Variants in MINPP1 observed in about 807,000 individuals in gnomAD.
MINPP1 encodes the protein multiple inositol polyphosphate phosphatase 1.
In MINPP1, 28 loss-of-function variants were observed where a neutral mutation model predicts 46.1. The observed-to-expected ratio is 0.61, with a 90% CI of 0.45 to 0.83. MINPP1 has a LOEUF of 0.83. Ranked by LOEUF, MINPP1 falls within the 40% of genes least tolerant of loss-of-function variation. The pLI, the probability that MINPP1 is intolerant of heterozygous loss-of-function variation, is 0.00. For missense variants in MINPP1, 603 were observed against 610.0 expected, an observed-to-expected ratio of 0.99 and a Z score of 0.12; for synonymous variants, 268 against 249.1, an observed-to-expected ratio of 1.08 and a Z score of -0.72.
At chr10:87,524,843 A>AC (rs1851551905) in intron 4 of MINPP1, among the ~76,000 whole-genome samples, 1 of 152,150 alleles carries the variant, frequency 6.6e-6, no homozygotes, top group East Asian at 1.9e-4. Flanking sequence ...GGTTCATGGC[A>AC]CCCCAAAACA....
At position 87,552,259 on chromosome 10, in the gene MINPP1, G is replaced by A; in HGVS notation, c.1245G>A (p.Leu415=). 1 of 1,613,832 alleles carries A rather than the reference G, an allele frequency of 6.2e-7. No individual in the cohort carries two copies. The highest frequency in any genetic ancestry group is 8.5e-7 in the Non-Finnish European group (1 of 1,179,834). ...SGLIVPYASN[L]IFVLYHCENA... ...TCATTGTACCTTATGCCTCGAACCTGATATTTGTGCTTTACCACTGTGAAA... is the reference window on the plus strand; with the variant it reads ...TCATTGTACCTTATGCCTCGAACCTAATATTTGTGCTTTACCACTGTGAAA... Residue 415 remains leucine (L), a synonymous_variant, in exon 5 of 5, where the codon CTG becomes CTA. Transcript: ENST00000371996.
At chr10:87,528,522 A>G (rs1851610936) in intron 4 of MINPP1, among the ~76,000 whole-genome samples, 1 of 152,318 alleles carries the variant, frequency 6.6e-6, no homozygotes, top group Admixed American at 6.5e-5. Context: ...AGCGGTTTTG[A>G]GTGAGTTTCT....
At chr10:87,532,575 G>A (rs1334695650) in intron 4 of MINPP1, among the ~76,000 whole-genome samples, 1 of 152,178 alleles carries the variant, frequency 6.6e-6, no homozygotes, top group African/African-American at 2.4e-5. Flanking sequence ...TCCTGGGACT[G>A]GGTATCTCTG....
At chr10:87,539,066 TG>T (rs1229092521) in intron 4 of MINPP1, among the ~76,000 whole-genome samples, 1 of 152,214 alleles carries the variant, frequency 6.6e-6, no homozygotes, top group Admixed American at 6.5e-5. Flanking sequence ...CACCAATTTC[TG>T]TAAGTAAAAG....
intron 3 of MINPP1, among the ~76,000 whole-genome samples, chr10:87,515,159 G>T (rs1465019098): frequency 1.3e-5 from 2 of 151,946 alleles, no homozygotes; most frequent in Non-Finnish European, 2.9e-5. Context: ...GGCCAAGGCG[G>T]GTGGATCACC....
intron 4 of MINPP1, among the ~76,000 whole-genome samples, chr10:87,536,237 T>G (rs971163268): frequency 1.3e-5 from 2 of 152,154 alleles, no homozygotes; most frequent in African/African-American, 4.8e-5. Context: ...AGAGAACACT[T>G]ATAATAGCAC....
intron 4 of MINPP1, among the ~76,000 whole-genome samples, chr10:87,543,339 G>A (rs575113832): frequency 6.6e-6 from 1 of 152,306 alleles, no homozygotes; most frequent in East Asian, 1.9e-4. Flanking sequence ...CTAGCAGGCT[G>A]TGGAGCAACC....
At position 87,552,386 on chromosome 10, in the gene MINPP1, C is replaced by G. The variant is rs1193033322; in HGVS notation, c.1372C>G (p.Leu458Val). The stretch of plus-strand genomic sequence containing the variant: ...AGAAACTGTTTCATTTTATGAAGAT[C>G]TGAAGAACCACTACAAGGACATCCT... ...SQETVSFYED[L>V]KNHYKDILQS... The change falls in exon 5 of 5, where the codon CTG becomes GTG. Residue 458 changes from leucine (L) to valine (V), a missense_variant. By Grantham distance (32) the Leu-to-Val change is conservative. Coordinates refer to ENST00000371996, the MANE Select transcript of MINPP1 (RefSeq NM_004897.5). 3 of 1,613,386 alleles carry G rather than the reference C, an allele frequency of 1.9e-6. No individual in the cohort carries two copies. The highest frequency in any genetic ancestry group is 2.2e-5 in the East Asian group (1 of 44,876).
At position 87,552,564 on chromosome 10, in the gene MINPP1, G is replaced by T; in HGVS notation, c.*86G>T. The T allele has an allele frequency of 7.4e-7, 1 of 1,354,246 alleles. No homozygotes were observed. 83.9% of individuals were successfully genotyped at this position (1,354,246 alleles called of 1,614,324 possible). A position where few individuals can be genotyped will look rare whatever the true frequency, so the allele number is the denominator to read the frequency against. ...TAGGTAGGCAATTCCTTGATTACAG[G>T]AAGCTTTTATATTACTTGAGTATTT... On this transcript the variant is annotated 3_prime_UTR_variant, in exon 5 of 5. Transcript: ENST00000371996.
intron 2 of MINPP1, among the ~76,000 whole-genome samples, chr10:87,511,759 C>T (rs1851337857): frequency 6.6e-6 from 1 of 151,940 alleles, no homozygotes; most frequent in Non-Finnish European, 1.5e-5. Flanking sequence ...TAAGAATATA[C>T]CATGTGGACT....
At chr10:87,522,526 T>C (rs112875914) in intron 4 of MINPP1, among the ~76,000 whole-genome samples, 6 of 152,316 alleles carry the variant, frequency 3.9e-5, no homozygotes, top group African/African-American at 1.4e-4. Context: ...CCGGTGCATA[T>C]AAAAGTTATG....
Position 87,505,066 on chromosome 10 carries a change from A to G in MINPP1, c.151A>G (p.Thr51Ala), listed in dbSNP as rs1483171698. 1.2e-6 allele frequency: 2 copies of G among 1,613,194 alleles called. No individual in the cohort carries two copies. Among genetic ancestry groups the G allele is most frequent in the Non-Finnish European group, 1.7e-6 (2 of 1,179,866 alleles). Residue 51 changes from threonine to alanine, a missense_variant, in exon 1 of 5, where the codon ACT becomes GCT. Transcript: ENST00000371996. The surrounding 1 kb of genome is among the most constrained non-coding windows in gnomAD (Gnocchi z 4.4). The part of the protein sequence containing the change: ...SSLSPYFGTK[T>A]RYEDVNPVLL... ...GCTCAGCCCCTATTTCGGCACCAAG[A>G]CTCGCTACGAGGATGTCAACCCCGT...
chr10:87,517,946 G>A (rs1460921617), intron 3 of MINPP1, among the ~76,000 whole-genome samples: 1 of 150,586 alleles, frequency 6.6e-6, no homozygotes, highest in East Asian at 1.9e-4. Context: ...ACAGGTGTGA[G>A]CCACTGCACC....
At chr10:87,508,306 C>T (rs1851284050) in intron 1 of MINPP1, 30 bp from the exon 2 acceptor site, 1 of 1,606,856 alleles carries the variant, frequency 6.2e-7, no homozygotes, top group South Asian at 1.1e-5. Context: ...CAGTGATTTA[C>T]AAATACATAT....
intron 4 of MINPP1, among the ~76,000 whole-genome samples, chr10:87,543,718 T>A (rs985082810): frequency 2.0e-5 from 3 of 152,164 alleles, no homozygotes; most frequent in African/African-American, 7.2e-5. Context: ...ATAAATTTTT[T>A]AAAAAGAAAA....
chr10:87,525,671 T>C (rs150213634), intron 4 of MINPP1, among the ~76,000 whole-genome samples: 3,270 of 152,316 alleles, frequency 0.021, 129 homozygotes, highest in African/African-American at 0.075. Flanking sequence ...ACGTTAGGTA[T>C]ATCTCCTAAT....
chr10:87,505,290 C>A lies in MINPP1; in HGVS notation c.375C>A (p.Arg125=). ...GCGGGGCTAGTAGTACCGGCAGCCG[C>A]GACCTGGGTGCAGCGCTGGCCGACT... The part of the protein sequence containing the change: ...RDGGASSTGS[R]DLGAALADWP... The change falls in exon 1 of 5, where the codon CGC becomes CGA. Residue 125 remains arginine (R), a synonymous_variant. Transcript: ENST00000371996. This position sits in a 1 kb window ranked among gnomAD's most constrained non-coding sequence, Gnocchi z 4.4. 1 of 1,610,938 alleles carries A rather than the reference C, an allele frequency of 6.2e-7. No individual in the cohort carries two copies. The highest frequency in any genetic ancestry group is 2.2e-5 in the East Asian group (1 of 44,760).
chr10:87,520,887 A>C, intron 3 of MINPP1, 149 bp from the exon 4 acceptor site: 2 of 497,106 alleles, frequency 4.0e-6, no homozygotes, highest in Non-Finnish European at 7.3e-6. Flanking sequence ...CTTAGGGACC[A>C]ACTCTTAAAT....
intron 4 of MINPP1, among the ~76,000 whole-genome samples, chr10:87,525,320 C>G (rs1031343852): frequency 6.6e-6 from 1 of 152,198 alleles, no homozygotes; most frequent in Admixed American, 6.5e-5. Context: ...CTGGCAACCA[C>G]TAATATATTT....
Sources: allele counts gnomAD v4.1 joint callset (sites outside exome capture counted in the v4.1 genomes callset), GRCh38; gene constraint gnomAD v4.1.1; non-coding constraint Gnocchi (gnomAD v3.1); transcripts MANE v1.5; gene names NCBI Gene and HGNC (gene_info 2026-07-23, HGNC 2026-07-21).